RAP1GDS1: variants seen among roughly 807,000 people sequenced by gnomAD.
RAP1GDS1 encodes Rap1 GTPase-GDP dissociation stimulator 1, also known as RAP1, GTP-GDP dissociation stimulator 1.
RAP1GDS1 carries 35 observed loss-of-function variants against 71.1 expected under a neutral mutation model. That is an observed-to-expected ratio of 0.49 (90% CI 0.38 to 0.65). The LOEUF (loss-of-function observed/expected upper bound fraction) is 0.65. Ranked by LOEUF, RAP1GDS1 falls within the 30% of genes least tolerant of loss-of-function variation. RAP1GDS1 has a pLI of 0.00. For synonymous variants in RAP1GDS1, 229 were observed against 243.1 expected (o/e 0.94, Z 0.54); for missense variants, 663 against 706.1 (o/e 0.94, Z 0.69).
intron 6 of RAP1GDS1, among the ~76,000 whole-genome samples, chr4:98,397,449 A>G (rs1744704215): frequency 6.6e-6 from 1 of 152,142 alleles, no homozygotes; most frequent in Admixed American, 6.6e-5. Context: ...CCTGCGTAAC[A>G]TAGTGAGACC....
intron 12 of RAP1GDS1, among the ~76,000 whole-genome samples, chr4:98,433,044 C>T (rs1438285195): frequency 6.6e-6 from 1 of 152,014 alleles, no homozygotes; most frequent in African/African-American, 2.4e-5. Context: ...GTAATTTGCT[C>T]AGTCAGTGGG....
At chr4:98,364,966 T>G (rs1401177817) in intron 4 of RAP1GDS1, among the ~76,000 whole-genome samples, 2 of 151,944 alleles carry the variant, frequency 1.3e-5, no homozygotes, top group African/African-American at 2.4e-5. Context: ...TGCAGTGAAC[T>G]CTGATCAGGC....
chr4:98,440,335 G>T (rs1483266649), intron 14 of RAP1GDS1, among the ~76,000 whole-genome samples: 2 of 151,834 alleles, frequency 1.3e-5, no homozygotes, highest in Admixed American at 6.6e-5. Flanking sequence ...AATTATTTTT[G>T]ATATATACTC....
intron 2 of RAP1GDS1, among the ~76,000 whole-genome samples, chr4:98,300,008 C>T (rs555309337): frequency 2.0e-5 from 3 of 152,162 alleles, no homozygotes; most frequent in South Asian, 2.1e-4. Flanking sequence ...ATTACATAAA[C>T]GTAGTTGATA....
At chr4:98,321,321 A>G (rs1731849922) in intron 2 of RAP1GDS1, among the ~76,000 whole-genome samples, 2 of 149,540 alleles carry the variant, frequency 1.3e-5, no homozygotes, top group South Asian at 2.2e-4. Flanking sequence ...TGAGGCGGAG[A>G]ATGGAACCAA....
Position 98,420,088 on chromosome 4 carries a change from T to A in RAP1GDS1, c.1244T>A (p.Met415Lys), listed in dbSNP as rs533359495. The change falls in exon 11 of 15, where the codon ATG (methionine) becomes AAG (lysine). Residue 415 changes from methionine (M) to lysine (K), a missense_variant. Coordinates refer to ENST00000408927, the MANE Select transcript of RAP1GDS1 (RefSeq NM_001100427.2). Reference protein sequence around the residue: ...EAVLKFLKSEMPPVQFKLLGT... With the variant: ...EAVLKFLKSEKPPVQFKLLGT... ...GTTTTGAAATTTCTTAAATCTGAAA[T>A]GCCTCCTGTTCAGTTCAAACTTCTG... 6.8e-6 allele frequency: 11 copies of A among 1,608,054 alleles called. No individual in the cohort carries two copies. Among genetic ancestry groups the A allele is most frequent in the Non-Finnish European group, 9.3e-6 (11 of 1,176,700 alleles).
At chr4:98,437,719 G>A (rs1751333588) in intron 14 of RAP1GDS1, among the ~76,000 whole-genome samples, 1 of 151,484 alleles carries the variant, frequency 6.6e-6, no homozygotes, top group Non-Finnish European at 1.5e-5. Flanking sequence ...CTTGAACCTG[G>A]AAGGCAGAGG....
At chr4:98,424,027 C>T (rs895009779) in intron 12 of RAP1GDS1, among the ~76,000 whole-genome samples, 1 of 151,994 alleles carries the variant, frequency 6.6e-6, no homozygotes, top group South Asian at 2.1e-4. Context: ...CTAGAAGCAG[C>T]GAGGATGGAA....
rs34393905 is a variant in RAP1GDS1, at chr4:98,363,478, C to CAAAAAAAAAAAAAAA, written c.361+10890_361+10904dup. On this transcript the variant is annotated intron_variant, in intron 4 of 14. Transcript: ENST00000408927. ...CCTAAATAACAGTGAGACCCTGTCT[C>CAAAAAAAAAAAAAAA]AAAAAAAAAAAAAAAAAAAAAAAAA... Among the ~76,000 whole-genome samples the CAAAAAAAAAAAAAAA allele has an allele frequency of 5.8e-4, 22 of 37,732 alleles. 4 individuals carry two copies. The highest frequency in any genetic ancestry group is 2.1e-3 in the African/African-American group (21 of 10,118). 24.8% of individuals were successfully genotyped at this position (37,732 alleles called of 152,430 possible).
intron 1 of RAP1GDS1, among the ~76,000 whole-genome samples, chr4:98,289,981 T>C (rs947564267): frequency 6.6e-6 from 1 of 152,030 alleles, no homozygotes; most frequent in African/African-American, 2.4e-5. Flanking sequence ...GTGAAAATAA[T>C]AGATACAGAA....
At chr4:98,303,405 T>C (rs1728853097) in intron 2 of RAP1GDS1, among the ~76,000 whole-genome samples, 1 of 151,960 alleles carries the variant, frequency 6.6e-6, no homozygotes, top group East Asian at 1.9e-4. Context: ...AATTAAAAAA[T>C]GTAAAATAGT....
At chr4:98,380,195 C>CTA (rs774513057) in intron 5 of RAP1GDS1, among the ~76,000 whole-genome samples, 1 of 151,478 alleles carries the variant, frequency 6.6e-6, no homozygotes, top group Non-Finnish European at 1.5e-5. Context: ...AGCCCTTGTC[C>CTA]TATTGAAAGG....
At chr4:98,390,516 G>C (rs1174798280) in intron 5 of RAP1GDS1, among the ~76,000 whole-genome samples, 3 of 151,712 alleles carry the variant, frequency 2.0e-5, no homozygotes, top group Admixed American at 2.0e-4. Context: ...TTATAGATGG[G>C]CTCCCACAAC....
chr4:98,411,798 G>A lies in RAP1GDS1; in HGVS notation c.764-4947G>A, dbSNP rs142722332. Among the ~76,000 whole-genome samples, 1,050 of 152,268 alleles carry A rather than the reference G, an allele frequency of 6.9e-3. 10 individuals are homozygous for A. Among genetic ancestry groups the A allele is most frequent in the African/African-American group, 0.024 (985 of 41,548 alleles). On this transcript the variant is annotated intron_variant, in intron 7 of 14. Coordinates refer to ENST00000408927, the MANE Select transcript of RAP1GDS1 (RefSeq NM_001100427.2). Reference sequence around the variant, plus strand: ...TCATTTTCCCAGTACACGAAGGAGAGTGATTTCAGCATTAGAAGTTGGGAT... The same window carrying A: ...TCATTTTCCCAGTACACGAAGGAGAATGATTTCAGCATTAGAAGTTGGGAT...
chr4:98,302,935 A>G (rs185917315), intron 2 of RAP1GDS1, among the ~76,000 whole-genome samples: 13 of 152,074 alleles, frequency 8.5e-5, no homozygotes, highest in Middle Eastern at 3.2e-3. Context: ...AATCCTAGCT[A>G]CCTGGGAGGC....
chr4:98,298,035 G>T (rs1728037957), intron 2 of RAP1GDS1, among the ~76,000 whole-genome samples: 1 of 152,178 alleles, frequency 6.6e-6, no homozygotes, highest in African/African-American at 2.4e-5. Context: ...GAGCGCTCTG[G>T]TTAGAGGATC....
intron 7 of RAP1GDS1, 126 bp from the exon 8 acceptor site, chr4:98,416,619 G>A: frequency 1.2e-6 from 1 of 809,086 alleles, no homozygotes; most frequent in South Asian, 2.5e-5. Flanking sequence ...CAAAGTGCTG[G>A]GATTACAGGC....
chr4:98,308,942 A>G (rs1349562601), intron 2 of RAP1GDS1, among the ~76,000 whole-genome samples: 1 of 152,128 alleles, frequency 6.6e-6, no homozygotes. Context: ...GTTTACACTT[A>G]CAAGGTCGTA....
In RAP1GDS1 at chr4:98,418,645, T is replaced by G. The variant is rs746374156; in HGVS notation, c.1040-12T>G. 9 of 1,580,210 alleles carry G rather than the reference T, an allele frequency of 5.7e-6. No homozygotes were observed. The highest frequency in any genetic ancestry group is 2.0e-5 in the Admixed American group (1 of 51,232). ...TAAAGAGGAAGAAAAAGATGTGTGT[T>G]TTTTTTTTCAGATGCAAATTGTATT... On this transcript the variant is annotated splice_polypyrimidine_tract_variant and intron_variant, in intron 9 of 14. Coordinates refer to ENST00000408927, the MANE Select transcript of RAP1GDS1 (RefSeq NM_001100427.2).
Sources: gnomAD v4.1 joint callset for allele counts (sites outside exome capture counted in the v4.1 genomes callset) on GRCh38, gnomAD v4.1.1 for gene constraint, MANE v1.5 for transcripts, NCBI Gene and HGNC (gene_info 2026-07-23, HGNC 2026-07-21) for gene names.